RASEF: variants seen among roughly 807,000 people sequenced by gnomAD.
RASEF encodes the protein RAS and EF-hand domain containing, also known as ras and EF-hand domain-containing protein.
Under a neutral mutation model 90.1 loss-of-function variants are expected in RASEF, and 68 were observed. That is an observed-to-expected ratio of 0.75 (90% CI 0.62 to 0.92). RASEF has a LOEUF of 0.92. Among genes scored for constraint, RASEF ranks in the 40% least tolerant of loss-of-function variants. The pLI, the probability that RASEF is intolerant of heterozygous loss-of-function variation, is 0.00. For missense variants in RASEF, 949 were observed against 937.2 expected, an observed-to-expected ratio of 1.01 and a Z score of -0.16; for synonymous variants, 331 against 345.2, an observed-to-expected ratio of 0.96 and a Z score of 0.46.
the RASEF span, among the ~76,000 whole-genome samples, chr9:83,068,605 C>T: frequency 6.3e-4 from 96 of 152,312 alleles, no homozygotes; most frequent in African/African-American, 2.1e-3. Context: ...GTGATGAGAA[C>T]ACATCCCCAG....
chr9:83,049,528 C>CCT lies in RASEF; in HGVS notation c.431+12907_431+12908dup, dbSNP rs1491387692. 4.1e-5 allele frequency among the ~76,000 whole-genome samples: 3 copies of CCT among 73,518 alleles called. 1 individual carries two copies. Among genetic ancestry groups the CCT allele is most frequent in the African/African-American group, 1.2e-4 (2 of 16,218 alleles). 48.2% of individuals were successfully genotyped at this position (73,518 alleles called of 152,430 possible). On this transcript the variant is annotated intron_variant, in intron 1 of 16. Transcript: ENST00000376447. ...AATGCACAGCCCACCTTTCTGCCTT[C>CCT]CTTTTTTTTTTTTTTTTTTTTTTTA...
At chr9:83,010,723 A>G (rs1829224410) in intron 5 of RASEF, among the ~76,000 whole-genome samples, 1 of 152,176 alleles carries the variant, frequency 6.6e-6, no homozygotes, top group Non-Finnish European at 1.5e-5. Context: ...AAAAAAGCTA[A>G]GGCTTCTCTC....
At chr9:83,023,693 T>C (rs1418772500) in intron 2 of RASEF, among the ~76,000 whole-genome samples, 1 of 152,222 alleles carries the variant, frequency 6.6e-6, no homozygotes, top group Admixed American at 6.5e-5. Flanking sequence ...ATACCTGCTA[T>C]TTGAAGTCTA....
At chr9:83,215,431 C>A in the RASEF span, among the ~76,000 whole-genome samples, 2 of 152,132 alleles carry the variant, frequency 1.3e-5, no homozygotes, top group Non-Finnish European at 2.9e-5. Context: ...AGACACCCAC[C>A]CCTAGACAGT....
At chr9:83,144,516 G>C in the RASEF span, among the ~76,000 whole-genome samples, 1 of 151,626 alleles carries the variant, frequency 6.6e-6, no homozygotes, top group African/African-American at 2.4e-5. Flanking sequence ...AGGAACAAGG[G>C]GAAGATTTCA....
chr9:83,002,480 A>C (rs1472094774), intron 9 of RASEF, among the ~76,000 whole-genome samples: 1 of 151,306 alleles, frequency 6.6e-6, no homozygotes, highest in East Asian at 1.9e-4. Flanking sequence ...GTTAATAACA[A>C]TAACAATAAA....
At chr9:83,091,341 A>G in the RASEF span, among the ~76,000 whole-genome samples, 3,145 of 152,118 alleles carry the variant, frequency 0.021, 89 homozygotes, top group African/African-American at 0.071. Flanking sequence ...ATCACTTGAG[A>G]TTAGGAGTTT....
the RASEF span, among the ~76,000 whole-genome samples, chr9:83,141,802 C>A: frequency 6.6e-6 from 1 of 152,124 alleles, no homozygotes; most frequent in Non-Finnish European, 1.5e-5. Context: ...GTTGAGGTCA[C>A]GACTGGAAAA....
At chr9:83,139,977 A>G in the RASEF span, among the ~76,000 whole-genome samples, 1 of 152,166 alleles carries the variant, frequency 6.6e-6, no homozygotes, top group Non-Finnish European at 1.5e-5. Context: ...CTATAAATCA[A>G]TGATGTTCTT....
chr9:82,990,385 CTT>C lies in RASEF; in HGVS notation c.2117+4_2117+5del. 3.7e-6 allele frequency: 6 copies of C among 1,610,374 alleles called. No individual in the cohort carries two copies. The highest frequency in any genetic ancestry group is 5.1e-6 in the Non-Finnish European group (6 of 1,177,572). On this transcript the variant is annotated splice_donor_5th_base_variant and intron_variant, in intron 16 of 16. Transcript: ENST00000376447. The stretch of plus-strand genomic sequence containing the variant: ...TCAATCCTACATCCATTTTCCCAAA[CTT>C]TACCGAGCAAGGTGCAGAACAGCCT...
At chr9:83,067,276 A>G (rs1830288973), upstream of RASEF, among the ~76,000 whole-genome samples, 1 of 152,106 alleles carries the variant, frequency 6.6e-6, no homozygotes, top group South Asian at 2.1e-4. Context: ...AAACATACAT[A>G]CCCCTGTAAG....
intron 5 of RASEF, among the ~76,000 whole-genome samples, chr9:83,011,727 G>A (rs1829250816): frequency 6.6e-6 from 1 of 151,588 alleles, no homozygotes; most frequent in Non-Finnish European, 1.5e-5. Context: ...AAATCAACCA[G>A]AAAATCCAAG....
the RASEF span, among the ~76,000 whole-genome samples, chr9:83,204,906 C>T: frequency 6.6e-5 from 10 of 152,226 alleles, no homozygotes; most frequent in Non-Finnish European, 1.5e-4. Context: ...CTCTTCCATA[C>T]ACTGTATTTT....
rs1829112460 is a variant in RASEF, at chr9:83,005,470, A to G, written c.1059T>C (p.Asn353=). The G allele has an allele frequency of 6.2e-7, 1 of 1,613,916 alleles. No individual in the cohort carries two copies. Among genetic ancestry groups the G allele is most frequent in the Non-Finnish European group, 8.5e-7 (1 of 1,179,958 alleles). ...QTANRKLHDS[N]DGLRSALENS... ...TTTCAAGGGCACTTCTAAGGCCATC[A>G]TTACTGTCATGTAGCTTCCGGTTAG... Residue 353 remains asparagine, a synonymous_variant, in exon 8 of 17, where the codon AAT becomes AAC. Coordinates refer to ENST00000376447, the MANE Select transcript of RASEF (RefSeq NM_152573.4).
the RASEF span, among the ~76,000 whole-genome samples, chr9:83,113,951 T>G: frequency 2.0e-5 from 3 of 152,138 alleles, no homozygotes; most frequent in Non-Finnish European, 4.4e-5. Context: ...AAATCCCTAA[T>G]AAAAACTTGC....
the RASEF span, among the ~76,000 whole-genome samples, chr9:83,107,860 A>G: frequency 6.6e-6 from 1 of 152,240 alleles, no homozygotes; most frequent in African/African-American, 2.4e-5. Flanking sequence ...TTAAACGAGC[A>G]GTGTCTTTGG....
At chr9:83,143,333 G>A in the RASEF span, among the ~76,000 whole-genome samples, 4 of 152,106 alleles carry the variant, frequency 2.6e-5, no homozygotes, top group East Asian at 3.9e-4. Context: ...CTATGCATCC[G>A]ACAAAGGTCT....
chr9:83,002,809 T>C (rs554853971), intron 9 of RASEF, among the ~76,000 whole-genome samples: 4 of 152,250 alleles, frequency 2.6e-5, no homozygotes, highest in East Asian at 1.9e-4. Context: ...ATTGAAAATA[T>C]AGGCACACTC....
chr9:82,983,689 T>C (rs1828661006), intron 16 of RASEF, among the ~76,000 whole-genome samples: 2 of 152,184 alleles, frequency 1.3e-5, no homozygotes, highest in African/African-American at 2.4e-5. Context: ...CAATAGAATA[T>C]GGAGGAAATG....
Sources: allele counts gnomAD v4.1 joint callset (sites outside exome capture counted in the v4.1 genomes callset), GRCh38; gene constraint gnomAD v4.1.1; transcripts MANE v1.5; gene names NCBI Gene and HGNC (gene_info 2026-07-23, HGNC 2026-07-21).